The following AKT3 variants were observed in gnomAD, a reference collection of about 807,000 sequenced individuals.
AKT3 encodes the protein AKT serine/threonine kinase 3.
Under a neutral mutation model 65.3 loss-of-function variants are expected in AKT3, and 15 were observed. The ratio of observed to expected loss-of-function variants is 0.23; its 90% CI spans 0.15 to 0.35. The LOEUF is 0.35. Among genes scored for constraint, AKT3 ranks in the 10% least tolerant of loss-of-function variants. The probability of loss-of-function intolerance (pLI) is 1.00; values close to 1 mark genes in which losing one functional copy is unlikely to be tolerated. For missense variants in AKT3, 243 were observed against 576.5 expected (o/e 0.42, Z 5.92); for synonymous variants, 206 against 183.8 (o/e 1.12, Z -0.98).
At chr1:243,698,479 A>G (rs1431402596) in intron 2 of AKT3, among the ~76,000 whole-genome samples, 3 of 152,114 alleles carry the variant, frequency 2.0e-5, no homozygotes, top group Non-Finnish European at 4.4e-5. Context: ...CTCAGATGAA[A>G]AACACAAAAA....
intron 12 of AKT3, among the ~76,000 whole-genome samples, chr1:243,530,989 T>A (rs1032620273): frequency 1.3e-5 from 2 of 152,232 alleles, no homozygotes; most frequent in African/African-American, 4.8e-5. Context: ...CTATATGTAT[T>A]TTCAAACATC....
At chr1:243,802,015 T>C (rs965594373) in intron 2 of AKT3, among the ~76,000 whole-genome samples, 1 of 152,192 alleles carries the variant, frequency 6.6e-6, no homozygotes, top group South Asian at 2.1e-4. Flanking sequence ...GGCTAATATA[T>C]ATGGAAAATA....
intron 2 of AKT3, among the ~76,000 whole-genome samples, chr1:243,757,764 T>A (rs1007649992): frequency 1.4e-4 from 20 of 143,388 alleles, no homozygotes; most frequent in Admixed American, 6.9e-4. Flanking sequence ...ATCTAATTAA[T>A]ACTTTTTTTT....
intron 3 of AKT3, among the ~76,000 whole-genome samples, chr1:243,676,909 A>G (rs963677315): frequency 6.6e-5 from 10 of 152,186 alleles, no homozygotes; most frequent in Admixed American, 5.9e-4. Context: ...CCTACATACT[A>G]CTAGTAAGAT....
intron 8 of AKT3, among the ~76,000 whole-genome samples, chr1:243,605,975 T>A (rs1374479056): frequency 6.6e-6 from 1 of 152,190 alleles, no homozygotes; most frequent in African/African-American, 2.4e-5. Context: ...AAGGGGCTTT[T>A]CCTCCTTTGC....
intron 2 of AKT3, among the ~76,000 whole-genome samples, chr1:243,812,239 T>C (rs751116605): frequency 2.6e-5 from 4 of 152,188 alleles, no homozygotes; most frequent in Non-Finnish European, 5.9e-5. Flanking sequence ...ACAGCCAACC[T>C]ACAGAATGGC....
chr1:243,682,957 T>C (rs1230168545), intron 3 of AKT3, among the ~76,000 whole-genome samples: 1 of 152,182 alleles, frequency 6.6e-6, no homozygotes, highest in Admixed American at 6.6e-5. Context: ...AACTTAGCCA[T>C]AAAACATCTC....
At chr1:243,612,053 C>G (rs1399211043) in intron 8 of AKT3, among the ~76,000 whole-genome samples, 1 of 152,118 alleles carries the variant, frequency 6.6e-6, no homozygotes, top group Middle Eastern at 3.2e-3. Flanking sequence ...TAAACCCATA[C>G]TGCCTAGGCA....
intron 2 of AKT3, among the ~76,000 whole-genome samples, chr1:243,719,185 T>C (rs1403856451): frequency 1.3e-5 from 2 of 152,196 alleles, no homozygotes; most frequent in African/African-American, 4.8e-5. Flanking sequence ...GTGGCAAAAT[T>C]CCTTTTTAAA....
At chr1:243,629,299 T>C (rs1679417596) in intron 6 of AKT3, among the ~76,000 whole-genome samples, 1 of 151,906 alleles carries the variant, frequency 6.6e-6, no homozygotes, top group African/African-American at 2.4e-5. Context: ...GTAAACAAAA[T>C]AAATAATAAA....
intron 2 of AKT3, among the ~76,000 whole-genome samples, chr1:243,700,806 TTA>T (rs769299620): frequency 2.0e-5 from 3 of 152,114 alleles, no homozygotes; most frequent in Non-Finnish European, 4.4e-5. Context: ...CCGGCCAGGC[TTA>T]GTCTTTAATA....
At chr1:243,552,288 CAAAAAAAAA>C (rs33995513) in intron 11 of AKT3, among the ~76,000 whole-genome samples, 41 of 50,166 alleles carry the variant, frequency 8.2e-4, no homozygotes, top group Middle Eastern at 0.033. Context: ...GACTCTGTCT[CAAAAAAAAA>C]AAAAAAAAAA....
intron 6 of AKT3, among the ~76,000 whole-genome samples, chr1:243,636,120 A>G (rs2147806906): frequency 6.6e-6 from 1 of 152,224 alleles, no homozygotes. Flanking sequence ...TATATAAAAG[A>G]AAAAACAGAA....
chr1:243,712,977 A>C (rs1686254690), intron 2 of AKT3, among the ~76,000 whole-genome samples: 1 of 152,232 alleles, frequency 6.6e-6, no homozygotes, highest in South Asian at 2.1e-4. Context: ...CTGATCAAAA[A>C]GGCCAGGTTA....
At chr1:243,836,893 A>G (rs1694928539) in intron 2 of AKT3, among the ~76,000 whole-genome samples, 2 of 150,242 alleles carry the variant, frequency 1.3e-5, no homozygotes, top group Non-Finnish European at 3.0e-5. Flanking sequence ...GCTTGGTGAC[A>G]GAGCGAGACT....
intron 8 of AKT3, among the ~76,000 whole-genome samples, chr1:243,595,156 T>C (rs1196746876): frequency 6.6e-6 from 1 of 152,248 alleles, no homozygotes; most frequent in Non-Finnish European, 1.5e-5. Context: ...CATAGCCTAC[T>C]ACTTCTAGGT....
intron 5 of AKT3, among the ~76,000 whole-genome samples, chr1:243,638,131 T>TA (rs1211546985): frequency 6.6e-6 from 1 of 152,060 alleles, no homozygotes; most frequent in African/African-American, 2.4e-5. Flanking sequence ...CAAATATGCC[T>TA]AAAAAAGCAG....
chr1:243,499,494 A>ATTTAAGAGGCAGGCGTGTCTT (rs1553386850), downstream of AKT3, among the ~76,000 whole-genome samples: 166 of 152,322 alleles, frequency 1.1e-3, 2 homozygotes, highest in African/African-American at 3.7e-3. Flanking sequence ...GACTGTCCTT[A>ATTTAAGAGGCAGGCGTGTCTT]TTTAAGAGGC....
At position 243,500,697 on chromosome 1, in the gene AKT3, C is replaced by T. The variant is rs1437033558; in HGVS notation, c.*4552G>A. On this transcript the variant is annotated 3_prime_UTR_variant, in exon 14 of 14. Coordinates refer to ENST00000673466, the MANE Select transcript of AKT3 (RefSeq NM_005465.7). ...CTGGCCAGCGAGCCATCATCCTCAT[C>T]ACCATCTCAACACAGAGCTGATGTC... 1 of 229,954 alleles carries T rather than the reference C, an allele frequency of 4.3e-6. No individual in the cohort carries two copies. Among genetic ancestry groups the T allele is most frequent in the Non-Finnish European group, 8.6e-6 (1 of 116,096 alleles). The allele number at this position is 229,954 out of a possible 1,614,324, so 14.2% of individuals were successfully genotyped here. A position where few individuals can be genotyped will look rare whatever the true frequency, so the allele number is the denominator to read the frequency against.
Sources: gnomAD v4.1 joint callset for allele counts (sites outside exome capture counted in the v4.1 genomes callset) on GRCh38, gnomAD v4.1.1 for gene constraint, MANE v1.5 for transcripts, NCBI Gene and HGNC (gene_info 2026-07-23, HGNC 2026-07-21) for gene names.